The following STK25 variants were observed in gnomAD, a reference collection of about 807,000 sequenced individuals.
STK25 encodes serine/threonine kinase 25, also known as serine/threonine-protein kinase 25.
Under a neutral mutation model 53.8 loss-of-function variants are expected in STK25, and 29 were observed. The observed-to-expected ratio is 0.54, with a 90% CI of 0.40 to 0.74. The LOEUF (loss-of-function observed/expected upper bound fraction) is 0.74. Among genes scored for constraint, STK25 ranks in the 30% least tolerant of loss-of-function variants. STK25 has a pLI of 0.00. For missense variants in STK25, 420 were observed against 568.0 expected (o/e 0.74, Z 2.65); for synonymous variants, 247 against 238.3 (o/e 1.04, Z -0.33).
Position 241,493,518 on chromosome 2 carries a change from G to C in STK25, c.*2144C>G, listed in dbSNP as rs2065008211. On this transcript the variant is annotated 3_prime_UTR_variant, in exon 12 of 12. Transcript: ENST00000316586. ...CTCAGCTCCCATTTCTACTCATGGT[G>C]GTGGAGGCAAGTTTTCTGGGCCCTG... 1.2e-5 allele frequency: 17 copies of C among 1,464,374 alleles called. No homozygotes were observed. Among genetic ancestry groups the C allele is most frequent in the Non-Finnish European group, 1.6e-5 (17 of 1,050,890 alleles). 90.7% of individuals were successfully genotyped at this position (1,464,374 alleles called of 1,614,324 possible). A position where few individuals can be genotyped will look rare whatever the true frequency, so the allele number is the denominator to read the frequency against.
intron 5 of STK25, chr2:241,499,865 C>T (rs934376354): frequency 1.6e-5 from 8 of 492,576 alleles, no homozygotes; most frequent in Admixed American, 5.8e-5. Flanking sequence ...CCAGACCACA[C>T]GCTGGGGCTA....
chr2:241,497,646 C>G lies in STK25; in HGVS notation c.1074G>C (p.Leu358=). The G allele has an allele frequency of 6.2e-7, 1 of 1,613,552 alleles. No homozygotes were observed. The highest frequency in any genetic ancestry group is 1.1e-5 in the South Asian group (1 of 91,088). The change falls in exon 10 of 12, where the codon CTG becomes CTC. Residue 358 remains leucine, a synonymous_variant. Transcript: ENST00000316586. ...CGAAGACGGGCCGGACCAGCGTGGA[C>G]AGGCACTGGGACCTCGGCTGCCTCT... ...PVKRQPRSQC[L]STLVRPVFGE...
At chr2:241,502,166 A>AAAAC (rs767224502) in intron 2 of STK25, among the ~76,000 whole-genome samples, 9 of 152,054 alleles carry the variant, frequency 5.9e-5, no homozygotes, top group Non-Finnish European at 1.0e-4. Context: ...CTCCATTAAA[A>AAAAC]AAACAAACAA....
Position 241,496,298 on chromosome 2 carries a change from C to G in STK25, c.1241+100G>C. Reference sequence around the variant, plus strand: ...CAGAGTGAAGCGAGCCCATGTAGTGCCAAATGCAGCCACACCCACGAGTGA... The same window carrying G: ...CAGAGTGAAGCGAGCCCATGTAGTGGCAAATGCAGCCACACCCACGAGTGA... On this transcript the variant is annotated intron_variant, in intron 11 of 11. Transcript: ENST00000316586. The surrounding 1 kb of genome is among the most constrained non-coding windows in gnomAD (Gnocchi z 5.8). The G allele has an allele frequency of 6.9e-7, 1 of 1,442,350 alleles. No individual in the cohort carries two copies. Among genetic ancestry groups the G allele is most frequent in the Non-Finnish European group, 9.5e-7 (1 of 1,057,114 alleles). The allele number at this position is 1,442,350 out of a possible 1,614,324, so 89.3% of individuals were successfully genotyped here.
At chr2:241,499,518 C>T in intron 5 of STK25, 104 bp from the exon 6 acceptor site, 2 of 1,435,322 alleles carry the variant, frequency 1.4e-6, no homozygotes, top group Middle Eastern at 2.1e-4. Flanking sequence ...TCCTAGGGCA[C>T]AGCAGGGCTG....
intron 2 of STK25, among the ~76,000 whole-genome samples, chr2:241,506,814 C>T (rs185124728): frequency 3.9e-5 from 6 of 152,256 alleles, no homozygotes; most frequent in African/African-American, 1.4e-4. Context: ...GATTTTTCTC[C>T]CAGCACCTTA....
chr2:241,501,922 C>T lies in STK25; in HGVS notation c.31-214G>A. ...GTGGCTCACGCCTGTAATTCTAGCACTTTGGGAGGCCGAGGCAGGTGGATC... is the reference window on the plus strand; with the variant it reads ...GTGGCTCACGCCTGTAATTCTAGCATTTTGGGAGGCCGAGGCAGGTGGATC... On this transcript the variant is annotated intron_variant, in intron 2 of 11. Coordinates refer to ENST00000316586, the MANE Select transcript of STK25 (RefSeq NM_001271977.2). This position sits in a 1 kb window ranked among gnomAD's most constrained non-coding sequence, Gnocchi z 5.3. 2.0e-6 allele frequency: 1 copy of T among 506,450 alleles called. No homozygotes were observed. The highest frequency in any genetic ancestry group is 3.2e-5 in the Admixed American group (1 of 30,840). 31.4% of individuals were successfully genotyped at this position (506,450 alleles called of 1,614,324 possible).
intron 5 of STK25, chr2:241,499,767 T>C: frequency 2.1e-6 from 1 of 467,932 alleles, no homozygotes; most frequent in Non-Finnish European, 3.9e-6. Context: ...TCCACCAGAA[T>C]CGTCCCCTAC....
rs1181754755 is a variant in STK25 at position 241,495,480 on chromosome 2, C to T, written c.*182G>A. On this transcript the variant is annotated 3_prime_UTR_variant, in exon 12 of 12. Transcript: ENST00000316586. ...AGAACAGCGTCCCTGACGTGCACAACAGCACACTGCAGGGGTGGAAGGAGA... is the reference window on the plus strand; with the variant it reads ...AGAACAGCGTCCCTGACGTGCACAATAGCACACTGCAGGGGTGGAAGGAGA... The T allele has an allele frequency of 4.7e-6, 3 of 638,604 alleles. No homozygotes were observed. The highest frequency in any genetic ancestry group is 8.4e-6 in the Non-Finnish European group (3 of 355,792). 39.6% of individuals were successfully genotyped at this position (638,604 alleles called of 1,614,324 possible).
intron 2 of STK25, among the ~76,000 whole-genome samples, chr2:241,507,612 T>C (rs1022877180): frequency 1.7e-4 from 26 of 152,196 alleles, no homozygotes; most frequent in Non-Finnish European, 2.8e-4. Flanking sequence ...ACGGCCAGAA[T>C]GACCCGCGGC....
intron 8 of STK25, 64 bp downstream of exon 8, chr2:241,498,575 C>A: frequency 6.4e-7 from 1 of 1,556,108 alleles, no homozygotes; most frequent in South Asian, 1.2e-5. Context: ...GCCCCTGCTT[C>A]TGGAGTGGGG....
chr2:241,506,575 C>T (rs2065844539), intron 2 of STK25, among the ~76,000 whole-genome samples: 1 of 152,158 alleles, frequency 6.6e-6, no homozygotes, highest in Admixed American at 6.5e-5. Context: ...TGAGACCAGC[C>T]TGACCAACAT....
At chr2:241,503,828 G>T (rs2065657224) in intron 2 of STK25, among the ~76,000 whole-genome samples, 1 of 151,904 alleles carries the variant, frequency 6.6e-6, no homozygotes, top group Non-Finnish European at 1.5e-5. Context: ...CACCAAGAAG[G>T]ATGGGGTACA....
intron 5 of STK25, 145 bp downstream of exon 5, chr2:241,500,028 G>A (rs2065412769): frequency 1.4e-6 from 1 of 723,728 alleles, no homozygotes; most frequent in African/African-American, 1.7e-5. Flanking sequence ...AGCGAGACAG[G>A]ACTGCTCAGT....
Position 241,501,797 on chromosome 2 carries a change from G to T in STK25, c.31-89C>A. ...GAGGCTGCCCTGCTGGGGAGGAAGGGACCTGTAGGGAAGGGGGAGTCCAAG... is the reference window on the plus strand; with the variant it reads ...GAGGCTGCCCTGCTGGGGAGGAAGGTACCTGTAGGGAAGGGGGAGTCCAAG... On this transcript the variant is annotated intron_variant, in intron 2 of 11. Transcript: ENST00000316586. This position sits in a 1 kb window ranked among gnomAD's most constrained non-coding sequence, Gnocchi z 5.3. 1.1e-6 allele frequency: 1 copy of T among 913,818 alleles called. No homozygotes were observed. Among genetic ancestry groups the T allele is most frequent in the Non-Finnish European group, 1.7e-6 (1 of 585,618 alleles). The allele number at this position is 913,818 out of a possible 1,614,324, so 56.6% of individuals were successfully genotyped here.
intron 5 of STK25, 93 bp downstream of exon 5, chr2:241,500,080 C>T (rs752051030): frequency 2.6e-5 from 27 of 1,054,072 alleles, no homozygotes; most frequent in African/African-American, 1.9e-4. Flanking sequence ...AGACCCTGGG[C>T]ACCACTAGCC....
rs1305650481 is a variant in STK25 at position 241,499,431 on chromosome 2, A to G, written c.428-17T>C. On this transcript the variant is annotated splice_polypyrimidine_tract_variant and intron_variant, in intron 5 of 11. Transcript: ENST00000316586. ...CGTTGGCAGCTGCTTGACACAGGAC[A>G]GGCAGGCGTCATCCCAGGCTCCACG... 6.2e-7 allele frequency: 1 copy of G among 1,610,820 alleles called. No individual in the cohort carries two copies. The highest frequency in any genetic ancestry group is 2.2e-5 in the East Asian group (1 of 44,772).
At position 241,501,733 on chromosome 2, in the gene STK25, G is replaced by A; in HGVS notation, c.31-25C>T. The A allele has an allele frequency of 6.3e-7, 1 of 1,586,288 alleles. No individual in the cohort carries two copies. The highest frequency in any genetic ancestry group is 8.6e-7 in the Non-Finnish European group (1 of 1,158,400). On this transcript the variant is annotated intron_variant, in intron 2 of 11. Transcript: ENST00000316586. The surrounding 1 kb of genome is among the most constrained non-coding windows in gnomAD (Gnocchi z 5.3). The stretch of plus-strand genomic sequence containing the variant: ...GCTGTGGGGCCAGGGCGGGGACAGA[G>A]GGCAGACAGCGCCGGTCACAAGAGG...
Position 241,501,693 on chromosome 2 carries a change from G to T in STK25, c.46C>A (p.Pro16Thr). The change falls in exon 3 of 12, where the codon CCT becomes ACT. Residue 16 changes from proline (P) to threonine (T), a missense_variant. Transcript: ENST00000316586. This position sits in a 1 kb window ranked among gnomAD's most constrained non-coding sequence, Gnocchi z 5.3. ...GFANQHSRVD[P>T]EELFTKLDRI... is the part of the protein sequence containing the mutation. ...TCGAGCTTGGTGAAGAGCTCCTCAG[G>T]GTCCACTCGAGAGTGCTGTGGGGCC... The T allele has an allele frequency of 6.2e-7, 1 of 1,613,332 alleles. No homozygotes were observed. Among genetic ancestry groups the T allele is most frequent in the Non-Finnish European group, 8.5e-7 (1 of 1,179,682 alleles).
Sources: allele counts gnomAD v4.1 joint callset (sites outside exome capture counted in the v4.1 genomes callset), GRCh38; gene constraint gnomAD v4.1.1; non-coding constraint Gnocchi (gnomAD v3.1); transcripts MANE v1.5; gene names NCBI Gene and HGNC (gene_info 2026-07-23, HGNC 2026-07-21).